Variants in C2orf42 observed in about 807,000 individuals in gnomAD.
C2orf42 encodes the protein chromosome 2 open reading frame 42, also known as uncharacterized protein C2orf42.
C2orf42 carries 44 observed loss-of-function variants against 58.9 expected under a neutral mutation model. That is an observed-to-expected ratio of 0.75 (90% CI 0.59 to 0.96). C2orf42 has a LOEUF of 0.96. Among genes scored for constraint, C2orf42 ranks in the 40% least tolerant of loss-of-function variants. C2orf42 has a pLI of 0.00. For missense variants in C2orf42, 630 were observed against 699.2 expected, an observed-to-expected ratio of 0.90 and a Z score of 1.12; for synonymous variants, 239 against 265.4, an observed-to-expected ratio of 0.90 and a Z score of 0.97.
chr2:70,158,434 ATTTAT>A (rs1019878335), intron 9 of C2orf42, among the ~76,000 whole-genome samples: 1 of 144,736 alleles, frequency 6.9e-6, no homozygotes, highest in Non-Finnish European at 1.5e-5. Context: ...TTATTTATTT[ATTTAT>A]TTATTTATTT....
rs1572953339 is a variant in C2orf42, at chr2:70,149,991, T to G, written c.*365A>C. On this transcript the variant is annotated 3_prime_UTR_variant, in exon 10 of 10. Coordinates refer to ENST00000264434, the MANE Select transcript of C2orf42 (RefSeq NM_017880.3). ...TTCTGCCCTAACCAGGGTGTTAACT[T>G]TCCAACACTGTTGGTGTATGGCTGA... The G allele has an allele frequency of 7.0e-6, 2 of 284,876 alleles. No homozygotes were observed. The highest frequency in any genetic ancestry group is 9.1e-5 in the East Asian group (1 of 10,930). 17.6% of individuals were successfully genotyped at this position (284,876 alleles called of 1,614,324 possible). A position where few individuals can be genotyped will look rare whatever the true frequency, so the allele number is the denominator to read the frequency against.
chr2:70,176,144 A>G (rs1674177337), intron 4 of C2orf42, among the ~76,000 whole-genome samples: 1 of 152,240 alleles, frequency 6.6e-6, no homozygotes, highest in Non-Finnish European at 1.5e-5. Context: ...TAGCAAAAAG[A>G]AAATGTTCTT....
chr2:70,150,713 A>G (rs544370463), intron 9 of C2orf42, 149 bp from the exon 10 acceptor site: 1 of 623,534 alleles, frequency 1.6e-6, no homozygotes, highest in Non-Finnish European at 2.8e-6. Flanking sequence ...GGTGATTGGG[A>G]TATCAGATTT....
chr2:70,179,258 C>A (rs1397537767), intron 4 of C2orf42, among the ~76,000 whole-genome samples: 1 of 147,044 alleles, frequency 6.8e-6, no homozygotes, highest in Non-Finnish European at 1.5e-5. Context: ...AGGAAAAAAA[C>A]CCATAAGAAC....
chr2:70,177,078 T>C (rs1674240130), intron 4 of C2orf42, among the ~76,000 whole-genome samples: 1 of 151,590 alleles, frequency 6.6e-6, no homozygotes, highest in Non-Finnish European at 1.5e-5. Flanking sequence ...TTGAGACCAG[T>C]CTGGCCAACA....
chr2:70,150,368 A>C lies in C2orf42; in HGVS notation c.1713T>G (p.Ile571Met). ...QPLELAPLTT[I>M]TFP ...ATCTTGTTTTGCTTTAAGGGAAAGT[A>C]ATAGTGGTCAGAGGGGCCAGTTCCA... Residue 571 changes from isoleucine to methionine, a missense_variant, in exon 10 of 10, where the codon ATT becomes ATG. By Grantham distance (10) the Ile-to-Met change is conservative. Transcript: ENST00000264434. The C allele has an allele frequency of 6.2e-7, 1 of 1,613,816 alleles. No homozygotes were observed. The highest frequency in any genetic ancestry group is 1.7e-4 in the Middle Eastern group (1 of 5,888).
intron 5 of C2orf42, among the ~76,000 whole-genome samples, chr2:70,171,920 C>T (rs769177580): frequency 2.6e-5 from 4 of 151,426 alleles, no homozygotes; most frequent in Admixed American, 2.0e-4. Flanking sequence ...GTTTAGAGGT[C>T]GGAGTCAAAA....
chr2:70,160,723 C>T lies in C2orf42; in HGVS notation c.1418G>A (p.Cys473Tyr). The part of the protein sequence containing the change: ...NRDGTYELFK[C>Y]PKVEVESIAE... ...TATGCTTTCTACTTCCACTTTAGGG[C>T]ATTTAAATAGCTCATAAGTCCCATC... The change falls in exon 9 of 10, where the codon TGC becomes TAC. Residue 473 changes from cysteine (C) to tyrosine (Y), a missense_variant. Cys to Tyr is a radical substitution (Grantham distance 194). Coordinates refer to ENST00000264434, the MANE Select transcript of C2orf42 (RefSeq NM_017880.3). The T allele has an allele frequency of 6.2e-7, 1 of 1,612,022 alleles. No individual in the cohort carries two copies. The highest frequency in any genetic ancestry group is 8.5e-7 in the Non-Finnish European group (1 of 1,178,842).
chr2:70,151,171 G>C (rs931018853), intron 9 of C2orf42, among the ~76,000 whole-genome samples: 1 of 152,198 alleles, frequency 6.6e-6, no homozygotes, highest in African/African-American at 2.4e-5. Context: ...ATGCAACAAA[G>C]TGAGACCCTG....
intron 8 of C2orf42, among the ~76,000 whole-genome samples, chr2:70,162,219 G>A (rs1030582346): frequency 7.2e-5 from 11 of 151,812 alleles, no homozygotes; most frequent in African/African-American, 2.4e-4. Flanking sequence ...CCATGTTGGC[G>A]AAGCTGGTCT....
chr2:70,170,924 G>C (rs1185623963), intron 5 of C2orf42, among the ~76,000 whole-genome samples: 8 of 151,950 alleles, frequency 5.3e-5, no homozygotes, highest in Middle Eastern at 3.4e-3. Context: ...GACCATCCTG[G>C]CTAATACAGT....
At chr2:70,155,226 A>T (rs1672587446) in intron 9 of C2orf42, among the ~76,000 whole-genome samples, 1 of 152,120 alleles carries the variant, frequency 6.6e-6, no homozygotes, top group African/African-American at 2.4e-5. Flanking sequence ...CTGGTGTCAG[A>T]GCAAGACTCC....
chr2:70,170,667 T>C (rs1184166158), intron 5 of C2orf42, among the ~76,000 whole-genome samples: 3 of 151,426 alleles, frequency 2.0e-5, no homozygotes, highest in East Asian at 2.0e-4. Flanking sequence ...GGTGGGAGAA[T>C]TGCTTGAACC....
At chr2:70,188,013 G>C (rs1465786167) in intron 1 of C2orf42, among the ~76,000 whole-genome samples, 1 of 152,004 alleles carries the variant, frequency 6.6e-6, no homozygotes. Flanking sequence ...TTATAGGAAA[G>C]CTAAAGACAG....
At chr2:70,174,764 G>A (rs1018847976) in intron 5 of C2orf42, among the ~76,000 whole-genome samples, 3 of 151,404 alleles carry the variant, frequency 2.0e-5, no homozygotes, top group South Asian at 2.1e-4. Flanking sequence ...TCTGCCTCCC[G>A]GGTTCAAGTG....
At chr2:70,185,434 G>A (rs1167674943) in intron 1 of C2orf42, among the ~76,000 whole-genome samples, 1 of 151,582 alleles carries the variant, frequency 6.6e-6, no homozygotes, top group Non-Finnish European at 1.5e-5. Flanking sequence ...AAAAGACTAG[G>A]CACAGTGGCT....
At position 70,155,265 on chromosome 2, in the gene C2orf42, G is replaced by A. The variant is rs1416867619; in HGVS notation, c.1517-4701C>T. On this transcript the variant is annotated intron_variant, in intron 9 of 9. Coordinates refer to ENST00000264434, the MANE Select transcript of C2orf42 (RefSeq NM_017880.3). ...TAAAAAAATAAAAAATAAAAAGAAG[G>A]TAAAAAGAAGGTAAAGGAATAAAGA... is the stretch of plus-strand genomic sequence containing the variant. Among the ~76,000 whole-genome samples the A allele has an allele frequency of 1.5e-4, 23 of 151,972 alleles. No homozygotes were observed. In the East Asian group the frequency reaches 2.7e-3, roughly 18 times the overall value.
At chr2:70,167,077 G>C (rs1173499503) in intron 6 of C2orf42, among the ~76,000 whole-genome samples, 1 of 152,052 alleles carries the variant, frequency 6.6e-6, no homozygotes, top group Non-Finnish European at 1.5e-5. Context: ...AGAACCTTGC[G>C]GCCAGGCACA....
At chr2:70,186,298 A>G (rs1278593000) in intron 1 of C2orf42, among the ~76,000 whole-genome samples, 7 of 152,084 alleles carry the variant, frequency 4.6e-5, no homozygotes, top group African/African-American at 7.2e-5. Flanking sequence ...ACATATATAT[A>G]CGTATATGTA....
Sources: allele counts gnomAD v4.1 joint callset (sites outside exome capture counted in the v4.1 genomes callset), GRCh38; gene constraint gnomAD v4.1.1; transcripts MANE v1.5; gene names NCBI Gene and HGNC (gene_info 2026-07-23, HGNC 2026-07-21).